Variants in KLHDC1 observed in about 807,000 individuals in gnomAD.
KLHDC1 encodes the protein kelch domain-containing protein 1.
In KLHDC1, 53 loss-of-function variants were observed where a neutral mutation model predicts 68.3. That is an observed-to-expected ratio of 0.78 (90% CI 0.62 to 0.98). The LOEUF is 0.98. Among genes scored for constraint, KLHDC1 ranks in the 50% least tolerant of loss-of-function variants. KLHDC1 has a pLI of 0.00. For synonymous variants in KLHDC1, 148 were observed against 159.0 expected (o/e 0.93, Z 0.52); for missense variants, 470 against 492.3 (o/e 0.95, Z 0.43).
chr14:49,735,254 G>GT (rs1217862465), intron 10 of KLHDC1, among the ~76,000 whole-genome samples: 5 of 151,582 alleles, frequency 3.3e-5, no homozygotes, highest in African/African-American at 9.7e-5. Context: ...TATAATTCTT[G>GT]TTTTTTTCTA....
chr14:49,696,067 G>GA (rs879851434), intron 1 of KLHDC1, among the ~76,000 whole-genome samples: 3,246 of 113,556 alleles, frequency 0.029, 67 homozygotes, highest in African/African-American at 0.064. Flanking sequence ...CTCTGTCTCA[G>GA]AAAAAAAAAA....
rs71115397 is a variant in KLHDC1 at position 49,718,769 on chromosome 14, CT to C, written c.405-5080del. 8.8e-3 allele frequency among the ~76,000 whole-genome samples: 678 copies of C among 76,830 alleles called. 1 individual carries two copies. Among genetic ancestry groups the C allele is most frequent in the African/African-American group, 0.034 (631 of 18,832 alleles). The allele number at this position is 76,830 out of a possible 152,430, so 50.4% of individuals were successfully genotyped here. ...GTTTTTCTTTTTCTTTTCTTTCTTT[CT>C]TTTTTTTTTTTTTTTTTTTTTTTTG... is the stretch of plus-strand genomic sequence containing the variant. On this transcript the variant is annotated intron_variant, in intron 4 of 12. Transcript: ENST00000359332.
At chr14:49,718,270 G>A (rs1888430603) in intron 4 of KLHDC1, among the ~76,000 whole-genome samples, 1 of 151,762 alleles carries the variant, frequency 6.6e-6, no homozygotes, top group Non-Finnish European at 1.5e-5. Context: ...TGGTATTCTG[G>A]TGGTTTTGTT....
At chr14:49,702,032 G>A (rs912894223) in intron 1 of KLHDC1, among the ~76,000 whole-genome samples, 1 of 152,042 alleles carries the variant, frequency 6.6e-6, no homozygotes, top group African/African-American at 2.4e-5. Flanking sequence ...ACTGGGCATG[G>A]TGGCACATGC....
chr14:49,693,386 C>T (rs1396586508), intron 1 of KLHDC1, 96 bp downstream of exon 1: 2 of 911,628 alleles, frequency 2.2e-6, no homozygotes, highest in Non-Finnish European at 3.0e-6. Flanking sequence ...AGGCTGCGGC[C>T]CAGGCCTGGC....
At chr14:49,708,837 C>A (rs1888125935) in intron 1 of KLHDC1, 1 of 160,224 alleles carries the variant, frequency 6.2e-6, no homozygotes, top group South Asian at 2.0e-4. Context: ...GCTTTATAAT[C>A]TTTAATATTC....
intron 4 of KLHDC1, among the ~76,000 whole-genome samples, chr14:49,714,270 G>A (rs189000802): frequency 3.3e-5 from 5 of 150,432 alleles, no homozygotes; most frequent in East Asian, 2.0e-4. Context: ...TCAGAAGTTC[G>A]AGACCAGCCT....
chr14:49,742,260 T>C (rs1343459974), intron 11 of KLHDC1, among the ~76,000 whole-genome samples: 1 of 152,262 alleles, frequency 6.6e-6, no homozygotes, highest in Non-Finnish European at 1.5e-5. Flanking sequence ...TATGAAATTC[T>C]AAAGACCTAT....
intron 4 of KLHDC1, among the ~76,000 whole-genome samples, chr14:49,722,371 T>G (rs1366085659): frequency 6.6e-6 from 1 of 152,168 alleles, no homozygotes; most frequent in African/African-American, 2.4e-5. Context: ...CGGTGTTTGG[T>G]TTTTTGTCCC....
chr14:49,725,943 G>A (rs1888662145), intron 6 of KLHDC1, among the ~76,000 whole-genome samples, 174 bp downstream of exon 6: 1 of 152,106 alleles, frequency 6.6e-6, no homozygotes, highest in Admixed American at 6.5e-5. Context: ...CGCCTCCCGG[G>A]TTCAGGTGGT....
chr14:49,729,040 A>C, intron 7 of KLHDC1, 31 bp downstream of exon 7: 1 of 1,379,132 alleles, frequency 7.3e-7, no homozygotes, highest in Non-Finnish European at 1.0e-6. Context: ...TGGTATTTTT[A>C]TGTGCAATGC....
At chr14:49,695,116 A>ATGTGTGTGTGTGTGTGTGTGTGTG (rs71115393) in intron 1 of KLHDC1, among the ~76,000 whole-genome samples, 25 of 142,200 alleles carry the variant, frequency 1.8e-4, no homozygotes, top group African/African-American at 5.5e-4. Context: ...TGCAGTTTTG[A>ATGTGTGTGTGTGTGTGTGTGTGTG]TGTGTGTGTG....
At chr14:49,699,806 A>G (rs935110096) in intron 1 of KLHDC1, among the ~76,000 whole-genome samples, 9 of 152,178 alleles carry the variant, frequency 5.9e-5, no homozygotes, top group African/African-American at 2.2e-4. Flanking sequence ...GTATCAGAAT[A>G]TGATTTTCCT....
intron 1 of KLHDC1, among the ~76,000 whole-genome samples, chr14:49,694,263 G>C (rs117986507): frequency 6.6e-6 from 1 of 152,050 alleles, no homozygotes; most frequent in Admixed American, 6.6e-5. Flanking sequence ...TGGAAAACAG[G>C]AATACTATAT....
intron 1 of KLHDC1, among the ~76,000 whole-genome samples, chr14:49,698,896 T>A (rs1321299066): frequency 6.6e-6 from 1 of 151,260 alleles, no homozygotes; most frequent in Non-Finnish European, 1.5e-5. Context: ...ACGAGCGTGG[T>A]GGCTCACGCC....
chr14:49,693,170 A>AAGCGGCGGGCC lies in KLHDC1; in HGVS notation c.-20_-10dup, dbSNP rs1234868427. On this transcript the variant is annotated 5_prime_UTR_variant, in exon 1 of 13. Coordinates refer to ENST00000359332, the MANE Select transcript of KLHDC1 (RefSeq NM_172193.3). ...GGGCGGGCAGGGGTTGTGGCGCGGCAAGCGGCGGGCCAGCGACGGCGCGAA... is the reference window on the plus strand; with the variant it reads ...GGGCGGGCAGGGGTTGTGGCGCGGCAAGCGGCGGGCCAGCGGCGGGCCAGCGACGGCGCGAA... The AAGCGGCGGGCC allele has an allele frequency of 2.5e-6, 4 of 1,570,286 alleles. No individual in the cohort carries two copies. Among genetic ancestry groups the AAGCGGCGGGCC allele is most frequent in the African/African-American group, 2.8e-5 (2 of 70,786 alleles).
rs1555339251 is a variant in KLHDC1, at chr14:49,715,765, A to AATATATAT, written c.404+5394_404+5401dup. 1.1e-3 allele frequency among the ~76,000 whole-genome samples: 56 copies of AATATATAT among 51,378 alleles called. 1 individual carries two copies. Among genetic ancestry groups the AATATATAT allele is most frequent in the African/African-American group, 4.0e-3 (44 of 10,886 alleles). 33.7% of individuals were successfully genotyped at this position (51,378 alleles called of 152,430 possible). On this transcript the variant is annotated intron_variant, in intron 4 of 12. Transcript: ENST00000359332. Reference sequence around the variant, plus strand: ...AAAAAAAAAAAAAAAAAAAAAAAAAAATATATATATATATATAATAAAAGA... The same window carrying AATATATAT: ...AAAAAAAAAAAAAAAAAAAAAAAAAAATATATATATATATATATATATATAATAAAAGA...
At chr14:49,715,233 C>G (rs1888339477) in intron 4 of KLHDC1, among the ~76,000 whole-genome samples, 2 of 150,762 alleles carry the variant, frequency 1.3e-5, no homozygotes, top group South Asian at 4.2e-4. Flanking sequence ...AGCTATTCTC[C>G]TGCCTCAGCC....
At chr14:49,708,922 T>G (rs1363102138) in intron 1 of KLHDC1, 1 of 257,394 alleles carries the variant, frequency 3.9e-6, no homozygotes, top group African/African-American at 2.2e-5. Context: ...CCTAATTATT[T>G]TCTTGAGACT....
Sources: allele counts gnomAD v4.1 joint callset (sites outside exome capture counted in the v4.1 genomes callset), GRCh38; gene constraint gnomAD v4.1.1; transcripts MANE v1.5; gene names NCBI Gene and HGNC (gene_info 2026-07-23, HGNC 2026-07-21).